RBFOX1: variants seen among roughly 807,000 people sequenced by gnomAD.
RBFOX1 encodes the protein RNA binding protein fox-1 homolog 1.
Under a neutral mutation model 57.7 loss-of-function variants are expected in RBFOX1, and 8 were observed. The observed-to-expected ratio is 0.14, with a 90% CI of 0.08 to 0.25. The LOEUF is 0.25. RBFOX1 is among the 10% of genes least tolerant of loss of function. RBFOX1 has a pLI of 1.00. For synonymous variants in RBFOX1, 326 were observed against 222.4 expected (o/e 1.47, Z -4.15); for missense variants, 611 against 548.5 (o/e 1.11, Z -1.14).
At chr16:6,754,293 C>G (rs1663546084) in intron 3 of RBFOX1, among the ~76,000 whole-genome samples, 1 of 152,200 alleles carries the variant, frequency 6.6e-6, no homozygotes, top group South Asian at 2.1e-4. Flanking sequence ...TCTCCGCCAA[C>G]TCAATATCCT....
intron 1 of RBFOX1, among the ~76,000 whole-genome samples, chr16:5,466,843 C>T (rs183464126): frequency 5.2e-4 from 79 of 152,298 alleles, no homozygotes; most frequent in African/African-American, 1.6e-3. Flanking sequence ...CTCAGTGCTC[C>T]TTGATTCCTA....
chr16:6,956,181 T>C (rs553213343), intron 3 of RBFOX1, among the ~76,000 whole-genome samples: 1 of 152,098 alleles, frequency 6.6e-6, no homozygotes, highest in African/African-American at 2.4e-5. Context: ...TGAGGAAGGA[T>C]GAGAATGGAG....
chr16:5,533,615 G>A (rs914110507), intron 2 of RBFOX1, among the ~76,000 whole-genome samples: 112 of 152,280 alleles, frequency 7.4e-4, no homozygotes, highest in African/African-American at 2.2e-3. Flanking sequence ...CAGCATGGAT[G>A]AGATATTATC....
At chr16:5,862,209 G>T (rs1413769038) in intron 3 of RBFOX1, among the ~76,000 whole-genome samples, 2 of 152,198 alleles carry the variant, frequency 1.3e-5, no homozygotes, top group African/African-American at 4.8e-5. Flanking sequence ...TGAATGACTA[G>T]CAACAGAAGT....
intron 1 of RBFOX1, among the ~76,000 whole-genome samples, chr16:6,233,043 G>A (rs1005167539): frequency 6.6e-6 from 1 of 152,082 alleles, no homozygotes; most frequent in African/African-American, 2.4e-5. Flanking sequence ...CACTATGTAG[G>A]CCCCGATACA....
At chr16:7,037,950 T>C (rs981787854) in intron 3 of RBFOX1, among the ~76,000 whole-genome samples, 1 of 152,246 alleles carries the variant, frequency 6.6e-6, no homozygotes, top group Non-Finnish European at 1.5e-5. Flanking sequence ...GATAAAATTA[T>C]TATTAGAGCT....
At chr16:6,380,398 ATTTTTTTTTTTTTTTTTTTTTTTTTTT>A (rs60498960) in intron 2 of RBFOX1, among the ~76,000 whole-genome samples, 1,043 of 49,162 alleles carry the variant, frequency 0.021, 30 homozygotes, top group African/African-American at 0.054. Context: ...AATGGTGGGG[ATTTTTTTTTTTTTTTTTTTTTTTTTTT>A]TTTTTTTTTT....
At chr16:6,931,559 A>G (rs1157749463) in intron 3 of RBFOX1, among the ~76,000 whole-genome samples, 1 of 152,056 alleles carries the variant, frequency 6.6e-6, no homozygotes, top group Non-Finnish European at 1.5e-5. Context: ...GGGCTTTGTC[A>G]ATTCACACTC....
intron 1 of RBFOX1, among the ~76,000 whole-genome samples, chr16:6,025,765 G>C (rs1305518174): frequency 6.6e-6 from 1 of 152,192 alleles, no homozygotes; most frequent in African/African-American, 2.4e-5. Flanking sequence ...TCCATCTTCA[G>C]AGGCTACCCT....
chr16:7,264,379 G>GC (rs1325194827), intron 4 of RBFOX1, among the ~76,000 whole-genome samples: 1 of 152,190 alleles, frequency 6.6e-6, no homozygotes, highest in East Asian at 1.9e-4. Context: ...AAGGTGCAAA[G>GC]CAGACCCAGT....
chr16:6,357,115 C>G (rs967968519), intron 2 of RBFOX1, among the ~76,000 whole-genome samples: 3 of 152,000 alleles, frequency 2.0e-5, no homozygotes, highest in African/African-American at 7.2e-5. Flanking sequence ...CCCCTCCTGC[C>G]CTGCTTGCGG....
intron 3 of RBFOX1, among the ~76,000 whole-genome samples, chr16:6,909,599 G>A (rs777231543): frequency 8.9e-4 from 135 of 152,346 alleles, no homozygotes; most frequent in Non-Finnish European, 1.5e-3. Flanking sequence ...CGAGGGACAT[G>A]TAATCTCCCC....
At chr16:6,225,945 C>G (rs569385055) in intron 1 of RBFOX1, among the ~76,000 whole-genome samples, 1 of 152,240 alleles carries the variant, frequency 6.6e-6, no homozygotes, top group East Asian at 1.9e-4. Flanking sequence ...CATTTGAAAC[C>G]TTAAGACAAT....
At chr16:6,525,519 T>A (rs1241979906) in intron 2 of RBFOX1, among the ~76,000 whole-genome samples, 3 of 152,218 alleles carry the variant, frequency 2.0e-5, no homozygotes, top group Non-Finnish European at 4.4e-5. Flanking sequence ...GGTGCTGCTA[T>A]AACAAAACAT....
intron 4 of RBFOX1, among the ~76,000 whole-genome samples, chr16:7,405,148 G>T (rs1301755977): frequency 6.6e-6 from 1 of 152,200 alleles, no homozygotes; most frequent in Non-Finnish European, 1.5e-5. Context: ...CAGTGAGGCT[G>T]CAGTTGCAAT....
At chr16:6,744,297 G>T (rs189907857) in intron 3 of RBFOX1, among the ~76,000 whole-genome samples, 1 of 152,142 alleles carries the variant, frequency 6.6e-6, no homozygotes, top group African/African-American at 2.4e-5. Context: ...AGAATAAATA[G>T]CTAGAAAATT....
At chr16:7,039,545 C>T (rs1357154525) in intron 3 of RBFOX1, among the ~76,000 whole-genome samples, 1 of 152,076 alleles carries the variant, frequency 6.6e-6, no homozygotes. Flanking sequence ...TATTTCTCAC[C>T]TCCTTTCCTG....
At chr16:6,573,895 G>A (rs537882714) in intron 2 of RBFOX1, 1 of 152,338 alleles carries the variant, frequency 6.6e-6, no homozygotes, top group South Asian at 2.1e-4. Context: ...TGATAGGTGT[G>A]TCTTGGAGGA....
chr16:7,488,780 C>T (rs1330215948), intron 4 of RBFOX1, among the ~76,000 whole-genome samples: 1 of 152,176 alleles, frequency 6.6e-6, no homozygotes, highest in African/African-American at 2.4e-5. Flanking sequence ...ATGTATACAT[C>T]TATCTATACA....
Sources: allele counts gnomAD v4.1 joint callset (sites outside exome capture counted in the v4.1 genomes callset), GRCh38; gene constraint gnomAD v4.1.1; transcripts MANE v1.5; gene names NCBI Gene and HGNC (gene_info 2026-07-23, HGNC 2026-07-21).